The following IRF5 variants were observed in gnomAD, a reference collection of about 807,000 sequenced individuals.
The protein encoded by IRF5 is interferon regulatory factor 5.
A neutral mutation model predicts 55.1 loss-of-function variants in IRF5; 24 were observed. The observed-to-expected ratio is 0.44, with a 90% CI of 0.32 to 0.61. The LOEUF (loss-of-function observed/expected upper bound fraction) is 0.61, where lower values mean the gene tolerates loss of function less well. IRF5 is among the 20% of genes least tolerant of loss of function. The pLI, the probability that IRF5 is intolerant of heterozygous loss-of-function variation, is 0.07. For missense variants in IRF5, 499 were observed against 658.5 expected (o/e 0.76, Z 2.65); for synonymous variants, 258 against 260.2 (o/e 0.99, Z 0.08).
intron 1 of IRF5, among the ~76,000 whole-genome samples, chr7:128,941,044 AG>A (rs1367975276): frequency 6.6e-6 from 1 of 152,184 alleles, no homozygotes; most frequent in Non-Finnish European, 1.5e-5. Flanking sequence ...TCTTCCACCC[AG>A]GGGTCTCAAG....
At position 128,938,017 on chromosome 7, in the gene IRF5, C is replaced by T. The variant is rs1795826710; in HGVS notation, c.-44C>T. The T allele has an allele frequency of 6.6e-6, 1 of 151,838 alleles. No homozygotes were observed. The highest frequency in any genetic ancestry group is 1.5e-5 in the Non-Finnish European group (1 of 67,900). The allele number at this position is 151,838 out of a possible 1,614,324, so 9.4% of individuals were successfully genotyped here. A position where few individuals can be genotyped will look rare whatever the true frequency, so the allele number is the denominator to read the frequency against. On this transcript the variant is annotated 5_prime_UTR_variant, in exon 1 of 9. Transcript: ENST00000357234. ...TGGTCCCGCCGCCCGGCCGGTGCTC[C>T]CTGGCGCAGCCACGCAGGCGCACCG... is the stretch of plus-strand genomic sequence containing the variant.
At chr7:128,940,741 C>T (rs987396521) in intron 1 of IRF5, 3 of 152,434 alleles carry the variant, frequency 2.0e-5, no homozygotes, top group African/African-American at 7.2e-5. Context: ...ACCTCCCCGT[C>T]CCAGCCCCTG....
chr7:128,947,374 C>T lies in IRF5; in HGVS notation c.626C>T (p.Pro209Leu), dbSNP rs1375617948. The change falls in exon 6 of 9, where the codon CCT becomes CTT. Residue 209 changes from proline (P) to leucine (L), a missense_variant. By Grantham distance (98) the Pro-to-Leu change is moderately conservative. This residue lies in a region of IRF5 where 305 missense variants were observed against 340.2 expected (regional missense o/e 0.90). Coordinates refer to ENST00000357234, the MANE Select transcript of IRF5 (RefSeq NM_001098629.3). The surrounding 1 kb of genome is among the most constrained non-coding windows in gnomAD (Gnocchi z 6.5). ...CAGCCGCCCGTGGTGCTGGGTCCCC[C>T]TGCTCCAGACCCCAGCCCCCTGGCT... ...TLQPPVVLGP[P>L]APDPSPLAPP... 1 of 1,610,456 alleles carries T rather than the reference C, an allele frequency of 6.2e-7. No individual in the cohort carries two copies. The highest frequency in any genetic ancestry group is 8.5e-7 in the Non-Finnish European group (1 of 1,178,804).
intron 2 of IRF5, among the ~76,000 whole-genome samples, chr7:128,945,567 G>A (rs1166899577): frequency 2.6e-5 from 4 of 152,170 alleles, no homozygotes; most frequent in South Asian, 2.1e-4. Flanking sequence ...TATCCCGCAC[G>A]CTGTCCTCCT....
chr7:128,947,722 C>G lies in IRF5; in HGVS notation c.788-7C>G, dbSNP rs754571171. On this transcript the variant is annotated splice_polypyrimidine_tract_variant and splice_region_variant and intron_variant, in intron 6 of 8. Coordinates refer to ENST00000357234, the MANE Select transcript of IRF5 (RefSeq NM_001098629.3). The surrounding 1 kb of genome is among the most constrained non-coding windows in gnomAD (Gnocchi z 6.5). ...AGGACGGGATGGGCCTGCCTTCTGC[C>G]CCACAGTGACCGACCTGGAGATCAA... 2 of 1,596,244 alleles carry G rather than the reference C, an allele frequency of 1.3e-6. No homozygotes were observed. Among genetic ancestry groups the G allele is most frequent in the Non-Finnish European group, 1.7e-6 (2 of 1,174,554 alleles).
chr7:128,947,792 A>AC lies in IRF5; in HGVS notation c.856dup (p.His286ProfsTer34). ...CCACCCCGGGCCCTCACCATCAGCA[A>AC]CCCCCATGGCTGCCGGCTCTTCTAC... On this transcript the variant is annotated frameshift_variant, in exon 7 of 9. Coordinates refer to ENST00000357234, the MANE Select transcript of IRF5 (RefSeq NM_001098629.3). LOFTEE classifies it high-confidence loss of function. This position sits in a 1 kb window ranked among gnomAD's most constrained non-coding sequence, Gnocchi z 6.5. 6.2e-7 allele frequency: 1 copy of AC among 1,613,276 alleles called. No individual in the cohort carries two copies. The highest frequency in any genetic ancestry group is 8.5e-7 in the Non-Finnish European group (1 of 1,179,802).
intron 2 of IRF5, 88 bp from the exon 3 acceptor site, chr7:128,945,757 A>T: frequency 7.5e-7 from 1 of 1,329,326 alleles, no homozygotes; most frequent in East Asian, 2.5e-5. Context: ...TTCTCCCCAC[A>T]CAGTAGAGTC....
At chr7:128,938,984 G>A (rs1795879767) in intron 1 of IRF5, among the ~76,000 whole-genome samples, 3 of 151,064 alleles carry the variant, frequency 2.0e-5, no homozygotes, top group African/African-American at 7.3e-5. Context: ...TCTGGAGGTG[G>A]GGGTGGCTCC....
chr7:128,946,821 G>A lies in IRF5; in HGVS notation c.448-202G>A, dbSNP rs1563076063. 4 of 688,932 alleles carry A rather than the reference G, an allele frequency of 5.8e-6. No homozygotes were observed. The highest frequency in any genetic ancestry group is 4.8e-5 in the Admixed American group (2 of 42,026). The allele number at this position is 688,932 out of a possible 1,614,324, so 42.7% of individuals were successfully genotyped here. ...CTGACTCCCTGCAGAAGGCAAATGAGGAAAGTGAGGCAAAGGGCTTTTCTG... is the reference window on the plus strand; with the variant it reads ...CTGACTCCCTGCAGAAGGCAAATGAAGAAAGTGAGGCAAAGGGCTTTTCTG... On this transcript the variant is annotated intron_variant, in intron 4 of 8. Coordinates refer to ENST00000357234, the MANE Select transcript of IRF5 (RefSeq NM_001098629.3). This position sits in a 1 kb window ranked among gnomAD's most constrained non-coding sequence, Gnocchi z 4.2.
chr7:128,943,161 A>G, intron 2 of IRF5: 1 of 229,234 alleles, frequency 4.4e-6, no homozygotes, highest in Non-Finnish European at 8.9e-6. Flanking sequence ...AACCTCCTTG[A>G]GTAGCTGGGA....
rs140402357 is a variant in IRF5, at chr7:128,942,192, C to A, written c.111C>A (p.Asn37Lys). The change falls in exon 2 of 9, where the codon AAC (asparagine) becomes AAA (lysine). Residue 37 changes from asparagine to lysine, a missense_variant. By Grantham distance (94) the Asn-to-Lys change is moderately conservative. This residue lies in a region of IRF5 where 305 missense variants were observed against 340.2 expected (regional missense o/e 0.90). Transcript: ENST00000357234. ...SCQYPGLQWV[N>K]GEKKLFCIPW... ...AGTACCCAGGGCTTCAATGGGTCAACGGGGAAAAGAAATTATTCTGCATCC... is the reference window on the plus strand; with the variant it reads ...AGTACCCAGGGCTTCAATGGGTCAAAGGGGAAAAGAAATTATTCTGCATCC... 2.5e-6 allele frequency: 4 copies of A among 1,614,054 alleles called. No individual in the cohort carries two copies. The highest frequency in any genetic ancestry group is 3.4e-6 in the Non-Finnish European group (4 of 1,179,978).
chr7:128,943,376 C>CT (rs200345101), intron 2 of IRF5, among the ~76,000 whole-genome samples: 3,067 of 136,692 alleles, frequency 0.022, 36 homozygotes, highest in African/African-American at 0.032. Context: ...CATATATACT[C>CT]TTTTTTTTTT....
chr7:128,938,609 G>A (rs928100767), intron 1 of IRF5, among the ~76,000 whole-genome samples: 1 of 152,230 alleles, frequency 6.6e-6, no homozygotes, highest in African/African-American at 2.4e-5. Context: ...GCAAGAGTTT[G>A]GGGGAAGATG....
At chr7:128,941,930 A>T in intron 1 of IRF5, 141 bp from the exon 2 acceptor site, 1 of 580,896 alleles carries the variant, frequency 1.7e-6, no homozygotes, top group Admixed American at 3.6e-5. Context: ...AAGAAAGCTG[A>T]TGCTTGGAAA....
In IRF5 at chr7:128,948,414, G is replaced by T. The variant is rs923910429; in HGVS notation, c.1299+86G>T. On this transcript the variant is annotated intron_variant, in intron 8 of 8. Coordinates refer to ENST00000357234, the MANE Select transcript of IRF5 (RefSeq NM_001098629.3). The surrounding 1 kb of genome is among the most constrained non-coding windows in gnomAD (Gnocchi z 4.6). ...GCCCTTGCCCCAGGCTGGAGGCTCAGGGCTCCCTGAGCAGTGTGAACTTGG... is the reference window on the plus strand; with the variant it reads ...GCCCTTGCCCCAGGCTGGAGGCTCATGGCTCCCTGAGCAGTGTGAACTTGG... 7.5e-6 allele frequency: 11 copies of T among 1,463,442 alleles called. No homozygotes were observed. In the African/African-American group the frequency reaches 1.6e-4, roughly 21 times the overall value. 90.7% of individuals were successfully genotyped at this position (1,463,442 alleles called of 1,614,324 possible). A position where few individuals can be genotyped will look rare whatever the true frequency, so the allele number is the denominator to read the frequency against.
intron 2 of IRF5, among the ~76,000 whole-genome samples, chr7:128,943,702 G>A (rs1394143593): frequency 5.4e-5 from 7 of 128,672 alleles, no homozygotes; most frequent in Non-Finnish European, 9.5e-5. Context: ...CACCATGCCC[G>A]GCTAATTTTT....
At position 128,946,897 on chromosome 7, in the gene IRF5, TA is replaced by T; in HGVS notation, c.448-123del. On this transcript the variant is annotated intron_variant, in intron 4 of 8. Coordinates refer to ENST00000357234, the MANE Select transcript of IRF5 (RefSeq NM_001098629.3). The surrounding 1 kb of genome is among the most constrained non-coding windows in gnomAD (Gnocchi z 4.2). ...ACCGGAGGCAGGGTCTTGCCTGAGCTAAACTGAGGCTAGGGGAGTTGCCTCA... is the reference window on the plus strand; with the variant it reads ...ACCGGAGGCAGGGTCTTGCCTGAGCTAACTGAGGCTAGGGGAGTTGCCTCA... 8.2e-7 allele frequency: 1 copy of T among 1,215,116 alleles called. No homozygotes were observed. 75.3% of individuals were successfully genotyped at this position (1,215,116 alleles called of 1,614,324 possible).
rs755529335 is a variant in IRF5, at chr7:128,946,608, T to C, written c.447+46T>C. 1 of 1,320,748 alleles carries C rather than the reference T, an allele frequency of 7.6e-7. No individual in the cohort carries two copies. 81.8% of individuals were successfully genotyped at this position (1,320,748 alleles called of 1,614,324 possible). Reference sequence around the variant, plus strand: ...CAGGTGGAGCCCTGGACGAGCTCTCTGCTGTCCCCATCGGCCTTAGGTTTC... The same window carrying C: ...CAGGTGGAGCCCTGGACGAGCTCTCCGCTGTCCCCATCGGCCTTAGGTTTC... On this transcript the variant is annotated intron_variant, in intron 4 of 8. Transcript: ENST00000357234. The surrounding 1 kb of genome is among the most constrained non-coding windows in gnomAD (Gnocchi z 4.2).
intron 2 of IRF5, 125 bp from the exon 3 acceptor site, chr7:128,945,720 T>C (rs938280643): frequency 2.3e-6 from 2 of 887,270 alleles, no homozygotes; most frequent in Non-Finnish European, 3.3e-6. Context: ...GGTCTGGGGC[T>C]CAGCGAGGCT....
Sources: gnomAD v4.1 joint callset for allele counts (sites outside exome capture counted in the v4.1 genomes callset) on GRCh38, gnomAD v4.1.1 for gene constraint, gnomAD v4.1.1 regional missense constraint, Gnocchi (gnomAD v3.1) non-coding constraint, MANE v1.5 for transcripts, NCBI Gene and HGNC (gene_info 2026-07-23, HGNC 2026-07-21) for gene names.